EFNA5: variants seen among roughly 807,000 people sequenced by gnomAD.
EFNA5 encodes ephrin-A5.
In EFNA5, 5 loss-of-function variants were observed where a neutral mutation model predicts 22.9. The observed-to-expected ratio is 0.22, with a 90% confidence interval of 0.11 to 0.46. EFNA5 has a LOEUF of 0.46. Among genes scored for constraint, EFNA5 ranks in the 20% least tolerant of loss-of-function variants. The probability of loss-of-function intolerance (pLI) is 0.99; values close to 1 mark genes in which losing one functional copy is unlikely to be tolerated. For synonymous variants in EFNA5, 113 were observed against 112.2 expected (o/e 1.01, Z -0.04); for missense variants, 237 against 293.3 (o/e 0.81, Z 1.40).
chr5:107,644,603 C>A (rs1190481270), intron 1 of EFNA5, among the ~76,000 whole-genome samples: 1 of 152,100 alleles, frequency 6.6e-6, no homozygotes, highest in Non-Finnish European at 1.5e-5. Flanking sequence ...TGTTAATTAC[C>A]TAGTTGGTAA....
intron 1 of EFNA5, among the ~76,000 whole-genome samples, chr5:107,530,459 T>C (rs7706853): frequency 0.031 from 4,794 of 152,210 alleles, 244 homozygotes; most frequent in African/African-American, 0.11. Context: ...CTGTAAAAAG[T>C]CCAAAGAGCT....
At chr5:107,586,458 T>C (rs989844996) in intron 1 of EFNA5, among the ~76,000 whole-genome samples, 2 of 152,224 alleles carry the variant, frequency 1.3e-5, no homozygotes, top group Admixed American at 1.3e-4. Context: ...GACGTAGAAC[T>C]ATGAACAGAG....
intron 1 of EFNA5, among the ~76,000 whole-genome samples, chr5:107,539,980 T>A (rs1192048186): frequency 6.6e-6 from 1 of 152,132 alleles, no homozygotes. Flanking sequence ...TAGGGATCCA[T>A]AAGGTGCAAC....
At chr5:107,605,143 G>C (rs538701637) in intron 1 of EFNA5, among the ~76,000 whole-genome samples, 1 of 151,874 alleles carries the variant, frequency 6.6e-6, no homozygotes, top group African/African-American at 2.4e-5. Context: ...AAAAGCTCGG[G>C]GGTGGGGATG....
chr5:107,623,707 CA>C (rs770559961), intron 1 of EFNA5, among the ~76,000 whole-genome samples: 28 of 116,112 alleles, frequency 2.4e-4, no homozygotes, highest in Admixed American at 5.3e-4. Flanking sequence ...GGGGGAGATT[CA>C]AAAAAAAAAA....
At chr5:107,439,796 T>C (rs533890161) in intron 1 of EFNA5, among the ~76,000 whole-genome samples, 3 of 152,354 alleles carry the variant, frequency 2.0e-5, no homozygotes, top group African/African-American at 4.8e-5. Context: ...AGAGATAGAA[T>C]GAAGGGTGTT....
At chr5:107,606,595 G>A (rs1206453751) in intron 1 of EFNA5, among the ~76,000 whole-genome samples, 2 of 150,370 alleles carry the variant, frequency 1.3e-5, no homozygotes, top group African/African-American at 4.9e-5. Flanking sequence ...AGCTAGTAAT[G>A]CGGTATAGCA....
chr5:107,386,148 CA>C (rs33964723), intron 4 of EFNA5, among the ~76,000 whole-genome samples: 857 of 79,474 alleles, frequency 0.011, 7 homozygotes, highest in African/African-American at 0.037. Flanking sequence ...AGAAATTCTA[CA>C]AAAAAAAAAA....
intron 1 of EFNA5, among the ~76,000 whole-genome samples, chr5:107,451,465 A>G (rs1187896424): frequency 6.6e-6 from 1 of 152,214 alleles, no homozygotes; most frequent in Non-Finnish European, 1.5e-5. Context: ...AATTTTACAA[A>G]ATGAAAAAAG....
intron 1 of EFNA5, among the ~76,000 whole-genome samples, chr5:107,496,741 T>A (rs900880692): frequency 1.3e-5 from 2 of 152,228 alleles, no homozygotes; most frequent in African/African-American, 4.8e-5. Flanking sequence ...GACCCATTCC[T>A]GGGGAGGAAC....
At chr5:107,587,079 A>C (rs1018786531) in intron 1 of EFNA5, among the ~76,000 whole-genome samples, 3 of 152,238 alleles carry the variant, frequency 2.0e-5, no homozygotes, top group East Asian at 3.8e-4. Flanking sequence ...CCTATGTCTC[A>C]GTAAAATGTA....
chr5:107,472,727 A>C (rs1311137318), intron 1 of EFNA5, among the ~76,000 whole-genome samples: 2 of 152,202 alleles, frequency 1.3e-5, no homozygotes, highest in Non-Finnish European at 2.9e-5. Context: ...CAGCACAGAG[A>C]TCAAGCCAAG....
At chr5:107,469,093 T>A (rs573856810) in intron 1 of EFNA5, among the ~76,000 whole-genome samples, 1 of 152,262 alleles carries the variant, frequency 6.6e-6, no homozygotes, top group African/African-American at 2.4e-5. Flanking sequence ...AATAAAAATG[T>A]GGGGCCCCTT....
chr5:107,652,669 T>G (rs1003415450), intron 1 of EFNA5, among the ~76,000 whole-genome samples: 1 of 152,202 alleles, frequency 6.6e-6, no homozygotes, highest in African/African-American at 2.4e-5. Context: ...TACTGTGTAT[T>G]TATTAACAAT....
intron 1 of EFNA5, among the ~76,000 whole-genome samples, chr5:107,600,895 A>T (rs1038222836): frequency 1.2e-4 from 18 of 152,192 alleles, no homozygotes; most frequent in African/African-American, 4.1e-4. Flanking sequence ...TAGAGGAGAG[A>T]AAGATTCCGT....
rs372658768 is a variant in EFNA5 at position 107,504,101 on chromosome 5, C to T, written c.126-76592G>A. On this transcript the variant is annotated intron_variant, in intron 1 of 4. Coordinates refer to ENST00000333274, the MANE Select transcript of EFNA5 (RefSeq NM_001962.3). ...TATCTGAAGTACCTCCTATTTTCTT[C>T]GAGCATTTTGTTGTAAGGAACTCTG... Among the ~76,000 whole-genome samples the T allele has an allele frequency of 5.9e-5, 9 of 152,164 alleles. No homozygotes were observed. In the East Asian group the frequency reaches 1.5e-3, roughly 26 times the overall value.
At chr5:107,406,119 T>A (rs1272164926) in intron 2 of EFNA5, among the ~76,000 whole-genome samples, 1 of 143,452 alleles carries the variant, frequency 7.0e-6, no homozygotes, top group African/African-American at 2.5e-5. Flanking sequence ...TATGTATTTA[T>A]ATACATAGAA....
At chr5:107,569,681 C>G (rs1388607736) in intron 1 of EFNA5, among the ~76,000 whole-genome samples, 1 of 145,752 alleles carries the variant, frequency 6.9e-6, no homozygotes, top group Admixed American at 7.0e-5. Context: ...AAAACCCCAT[C>G]TCTACTAAAA....
rs1035545611 is a variant in EFNA5 at position 107,506,885 on chromosome 5, G to C, written c.126-79376C>G. On this transcript the variant is annotated intron_variant, in intron 1 of 4. Transcript: ENST00000333274. ...AAGGCTTGTCTCCAAGAAGCAAACT[G>C]TTACTAATAGTTTTTAATGTAAGTA... Among the ~76,000 whole-genome samples the C allele has an allele frequency of 1.2e-4, 18 of 152,252 alleles. 1 individual carries two copies. The highest frequency in any genetic ancestry group is 6.8e-3 in the Middle Eastern group (2 of 294).
Sources: allele counts gnomAD v4.1 joint callset (sites outside exome capture counted in the v4.1 genomes callset), GRCh38; gene constraint gnomAD v4.1.1; transcripts MANE v1.5; gene names NCBI Gene and HGNC (gene_info 2026-07-23, HGNC 2026-07-21).